The following GLI2 variants were observed in gnomAD, a reference collection of about 807,000 sequenced individuals.
GLI2 encodes GLI family zinc finger 2.
A neutral mutation model predicts 78.9 loss-of-function variants in GLI2; 22 were observed. That is an observed-to-expected ratio of 0.28 (90% confidence interval 0.20 to 0.40). The LOEUF (loss-of-function observed/expected upper bound fraction) is 0.40. Ranked by LOEUF, GLI2 falls within the 10% of genes least tolerant of loss-of-function variation. The probability of loss-of-function intolerance (pLI) is 1.00; values close to 1 mark genes in which losing one functional copy is unlikely to be tolerated. For missense variants in GLI2, 2,097 were observed against 2,213.2 expected (o/e 0.95, Z 1.05); for synonymous variants, 974 against 963.7 (o/e 1.01, Z -0.20).
chr2:120,952,045 T>C (rs2104953625), intron 4 of GLI2, among the ~76,000 whole-genome samples: 1 of 152,342 alleles, frequency 6.6e-6, no homozygotes, highest in Non-Finnish European at 1.5e-5. Flanking sequence ...TGTCTTTATA[T>C]GTATAAAGCA....
rs563617369 is a variant in GLI2, at chr2:120,856,829, C to T, written c.148+59361C>T. ...GGCTGGAATGGGGATAAAATCCAGA[C>T]GGAAAGGCCTCTGATGAGGACTTGG... On this transcript the variant is annotated intron_variant, in intron 2 of 13. Transcript: ENST00000361492. Among the ~76,000 whole-genome samples, 30 of 152,026 alleles carry T rather than the reference C, an allele frequency of 2.0e-4. No homozygotes were observed. In the Middle Eastern group the frequency reaches 0.01, roughly 52 times the overall value.
intron 2 of GLI2, among the ~76,000 whole-genome samples, chr2:120,830,434 G>A (rs922108254): frequency 3.3e-5 from 5 of 152,268 alleles, no homozygotes; most frequent in African/African-American, 1.2e-4. Flanking sequence ...AAGCCTGTGT[G>A]TGTGTGGGTT....
chr2:120,847,127 C>T (rs1202517925), intron 2 of GLI2, among the ~76,000 whole-genome samples: 2 of 151,750 alleles, frequency 1.3e-5, no homozygotes, highest in Admixed American at 1.3e-4. Context: ...TCCGGGTTTG[C>T]CTGGGACTTA....
chr2:120,830,120 C>T lies in GLI2; in HGVS notation c.148+32652C>T, dbSNP rs373570025. 8.5e-5 allele frequency among the ~76,000 whole-genome samples: 13 copies of T among 152,156 alleles called. No homozygotes were observed. In the East Asian group the frequency reaches 1.3e-3, roughly 16 times the overall value. On this transcript the variant is annotated intron_variant, in intron 2 of 13. Coordinates refer to ENST00000361492, the MANE Select transcript of GLI2 (RefSeq NM_001374353.1). ...GTCTGGTGGAGGTGGTCTTTCTAAC[C>T]GGCCACAAGACCCTGGGCCCGCTCT...
rs972504473 is a variant in GLI2, at chr2:120,990,686, G to A, written c.*11G>A. ...AACATGATGACCTAGAGGCCCGAGC[G>A]CCTGGTGCTGAGTGCACCCGGAGGG... On this transcript the variant is annotated 3_prime_UTR_variant, in exon 14 of 14. Coordinates refer to ENST00000361492, the MANE Select transcript of GLI2 (RefSeq NM_001374353.1). The A allele has an allele frequency of 8.1e-6, 13 of 1,608,130 alleles. No individual in the cohort carries two copies. Among genetic ancestry groups the A allele is most frequent in the Middle Eastern group, 1.6e-4 (1 of 6,072 alleles).
At chr2:120,837,253 G>T (rs1686657141) in intron 2 of GLI2, among the ~76,000 whole-genome samples, 1 of 152,036 alleles carries the variant, frequency 6.6e-6, no homozygotes, top group African/African-American at 2.4e-5. Flanking sequence ...AACTAGCCGG[G>T]TGTGGTGGCG....
chr2:120,940,568 C>G (rs912010235), intron 3 of GLI2, among the ~76,000 whole-genome samples: 3 of 152,208 alleles, frequency 2.0e-5, no homozygotes, highest in African/African-American at 7.2e-5. Context: ...TCTTCCTGCT[C>G]CAGCACCTTG....
chr2:120,885,424 G>A (rs1033281927), intron 2 of GLI2, among the ~76,000 whole-genome samples: 4 of 152,222 alleles, frequency 2.6e-5, no homozygotes, highest in Non-Finnish European at 4.4e-5. Flanking sequence ...GCTGCCTTCC[G>A]AGGGTGGCTC....
At chr2:120,950,179 G>A (rs570648195) in intron 3 of GLI2, among the ~76,000 whole-genome samples, 2 of 152,314 alleles carry the variant, frequency 1.3e-5, no homozygotes, top group Middle Eastern at 6.8e-3. Flanking sequence ...TGAGGAAACT[G>A]AGGCTCGGAG....
rs554875371 is a variant in GLI2, at chr2:120,843,281, G to A, written c.148+45813G>A. 7.2e-5 allele frequency among the ~76,000 whole-genome samples: 11 copies of A among 152,220 alleles called. No homozygotes were observed. In the South Asian group the frequency reaches 1.5e-3, roughly 20 times the overall value. ...CTTTGCAGACACCTTTGGCTCAGGC[G>A]GTGAAGTCACTTTCCCAAGATCCCA... On this transcript the variant is annotated intron_variant, in intron 2 of 13. Transcript: ENST00000361492.
At position 120,984,532 on chromosome 2, in the gene GLI2, G is replaced by A; in HGVS notation, c.1694G>A (p.Arg565Gln). Residue 565 changes from arginine to glutamine, a missense_variant, in exon 12 of 14, where the codon CGG (arginine) becomes CAG (glutamine). By Grantham distance (43) the Arg-to-Gln change is conservative. This residue lies in a region of GLI2 where 104 missense variants were observed against 190.6 expected (regional missense o/e 0.55). Coordinates refer to ENST00000361492, the MANE Select transcript of GLI2 (RefSeq NM_001374353.1). ...TKRYTDPSSL[R>Q]KHVKTVHGPD... ...AGATACACAGACCCCAGCTCTCTCC[G>A]GAAGCATGTGAAAACGGTCCACGGC... 6 of 1,614,162 alleles carry A rather than the reference G, an allele frequency of 3.7e-6. No homozygotes were observed. The highest frequency in any genetic ancestry group is 5.1e-6 in the Non-Finnish European group (6 of 1,180,018).
chr2:120,953,392 T>A (rs1384882750), intron 4 of GLI2, among the ~76,000 whole-genome samples: 1 of 151,910 alleles, frequency 6.6e-6, no homozygotes, highest in Non-Finnish European at 1.5e-5. Flanking sequence ...CTGGAGGGAG[T>A]GCGGCCCTGC....
intron 2 of GLI2, among the ~76,000 whole-genome samples, chr2:120,907,011 C>T (rs1253643739): frequency 2.0e-5 from 3 of 152,140 alleles, no homozygotes; most frequent in Non-Finnish European, 2.9e-5. Flanking sequence ...CACACCCCAC[C>T]CTCCACACCA....
intron 2 of GLI2, among the ~76,000 whole-genome samples, chr2:120,924,322 C>G (rs1204035009): frequency 6.6e-6 from 1 of 152,130 alleles, no homozygotes; most frequent in Non-Finnish European, 1.5e-5. Context: ...CTGGGATCAC[C>G]CTGGCACTTG....
chr2:120,866,419 TG>T (rs1394835794), intron 2 of GLI2: 1 of 152,294 alleles, frequency 6.6e-6, no homozygotes, highest in Non-Finnish European at 1.5e-5. Context: ...TTGTACTTAA[TG>T]GTAATCCCAT....
intron 2 of GLI2, among the ~76,000 whole-genome samples, chr2:120,893,695 C>T (rs189895359): frequency 3.8e-4 from 57 of 151,486 alleles, no homozygotes; most frequent in Admixed American, 1.2e-3. Flanking sequence ...AACCAAGTTC[C>T]CCCCAACCCC....
In GLI2 at chr2:120,899,729, T is replaced by G. The variant is rs560675538; in HGVS notation, c.149-27632T>G. 2.0e-5 allele frequency among the ~76,000 whole-genome samples: 3 copies of G among 152,322 alleles called. No individual in the cohort carries two copies. In the East Asian group the frequency reaches 5.8e-4, roughly 29 times the overall value. On this transcript the variant is annotated intron_variant, in intron 2 of 13. Coordinates refer to ENST00000361492, the MANE Select transcript of GLI2 (RefSeq NM_001374353.1). Reference sequence around the variant, plus strand: ...TGGCGGTGCCCATCTTCCTCTTTCTTGTGGCTACTCTGAGGGTTAAGTGAA... The same window carrying G: ...TGGCGGTGCCCATCTTCCTCTTTCTGGTGGCTACTCTGAGGGTTAAGTGAA...
intron 2 of GLI2, among the ~76,000 whole-genome samples, chr2:120,806,724 G>A (rs1345948388): frequency 1.3e-5 from 2 of 152,240 alleles, no homozygotes; most frequent in Admixed American, 1.3e-4. Flanking sequence ...CCAGGGTGCA[G>A]GCCGAGGTCC....
intron 4 of GLI2, among the ~76,000 whole-genome samples, chr2:120,952,568 G>A (rs1456881992): frequency 1.3e-5 from 2 of 152,236 alleles, no homozygotes; most frequent in Non-Finnish European, 2.9e-5. Context: ...TGGCACGGAG[G>A]TTTGCACTTT....
Sources: allele counts gnomAD v4.1 joint callset (sites outside exome capture counted in the v4.1 genomes callset), GRCh38; gene constraint gnomAD v4.1.1; regional missense constraint gnomAD v4.1.1; transcripts MANE v1.5; gene names NCBI Gene and HGNC (gene_info 2026-07-23, HGNC 2026-07-21).